The following ERCC6L2 variants were observed in gnomAD, a reference collection of about 807,000 sequenced individuals.
ERCC6L2 encodes the protein ERCC excision repair 6 like 2.
In ERCC6L2, 77 loss-of-function variants were observed where a neutral mutation model predicts 132.0. The ratio of observed to expected loss-of-function variants is 0.58; its 90% CI spans 0.49 to 0.71. ERCC6L2 has a LOEUF of 0.71. ERCC6L2 is among the 30% of genes least tolerant of loss of function. The pLI, the probability that ERCC6L2 is intolerant of heterozygous loss-of-function variation, is 0.00. For synonymous variants in ERCC6L2, 583 were observed against 632.4 expected, an observed-to-expected ratio of 0.92 and a Z score of 1.17; for missense variants, 1,542 against 1,837.6, an observed-to-expected ratio of 0.84 and a Z score of 2.94.
At chr9:95,986,397 T>A (rs1286402005) in intron 17 of ERCC6L2, among the ~76,000 whole-genome samples, 1 of 152,196 alleles carries the variant, frequency 6.6e-6, no homozygotes, top group African/African-American at 2.4e-5. Context: ...AGGTCTTTTG[T>A]TTCATGTTGC....
chr9:95,897,147 A>G (rs1434092678), intron 2 of ERCC6L2, among the ~76,000 whole-genome samples: 2 of 152,188 alleles, frequency 1.3e-5, no homozygotes, highest in Non-Finnish European at 2.9e-5. Flanking sequence ...CTTTAAAACA[A>G]CCTTGCCAAA....
intron 17 of ERCC6L2, among the ~76,000 whole-genome samples, chr9:95,986,602 T>C (rs377135284): frequency 1.3e-5 from 2 of 151,840 alleles, no homozygotes; most frequent in East Asian, 3.9e-4. Flanking sequence ...GTTCAAGTGA[T>C]TCTCCTGCCT....
In ERCC6L2 at chr9:96,009,487, A is replaced by G. The variant is rs541987550; in HGVS notation, c.3675-2738A>G. Among the ~76,000 whole-genome samples, 22 of 152,204 alleles carry G rather than the reference A, an allele frequency of 1.4e-4. No homozygotes were observed. The South Asian group carries it at 1.7e-3, about 11-fold the overall frequency. ...CAGAAGATGAATTTAGGTGTGTTCCACCTCCCTTCCTCCAGAAAGAGAGAG... is the reference window on the plus strand; with the variant it reads ...CAGAAGATGAATTTAGGTGTGTTCCGCCTCCCTTCCTCCAGAAAGAGAGAG... On this transcript the variant is annotated intron_variant, in intron 18 of 18. Transcript: ENST00000653738.
chr9:95,956,164 GA>G, intron 13 of ERCC6L2, 151 bp downstream of exon 13: 1 of 463,356 alleles, frequency 2.2e-6, no homozygotes, highest in Non-Finnish European at 3.7e-6. Context: ...ACACTTTTAT[GA>G]AACAGATTCT....
chr9:95,921,723 AAG>A (rs1336141961), intron 7 of ERCC6L2, among the ~76,000 whole-genome samples: 1 of 152,196 alleles, frequency 6.6e-6, no homozygotes, highest in African/African-American at 2.4e-5. Flanking sequence ...CTGAGTATCA[AAG>A]AAAGTGTTTT....
intron 1 of ERCC6L2, chr9:95,876,300 T>C (rs1354894568): frequency 1.0e-5 from 5 of 491,022 alleles, no homozygotes; most frequent in Non-Finnish European, 1.5e-5. Context: ...GTGCTGCCTC[T>C]GACAGTTACT....
intron 11 of ERCC6L2, among the ~76,000 whole-genome samples, chr9:95,935,577 CAG>C (rs1830518427): frequency 6.6e-6 from 1 of 152,046 alleles, no homozygotes; most frequent in Non-Finnish European, 1.5e-5. Context: ...GGAGGAGGCA[CAG>C]AGGAGAAAGA....
intron 2 of ERCC6L2, among the ~76,000 whole-genome samples, chr9:95,894,024 T>C (rs1317435055): frequency 6.6e-6 from 1 of 152,334 alleles, no homozygotes; most frequent in East Asian, 1.9e-4. Flanking sequence ...GAAAATATTA[T>C]AAGTTGAAAA....
At chr9:95,938,451 A>G (rs1266600376) in intron 11 of ERCC6L2, among the ~76,000 whole-genome samples, 1 of 152,066 alleles carries the variant, frequency 6.6e-6, no homozygotes, top group Admixed American at 6.6e-5. Context: ...GAAATCCTCA[A>G]CTATAATTGT....
chr9:95,979,473 T>C (rs2133113031), intron 17 of ERCC6L2, among the ~76,000 whole-genome samples: 1 of 152,332 alleles, frequency 6.6e-6, no homozygotes, highest in South Asian at 2.1e-4. Context: ...GCAAAGCTTT[T>C]CCTAGCACTC....
chr9:95,942,627 G>C (rs533273861), intron 12 of ERCC6L2, among the ~76,000 whole-genome samples: 3 of 152,152 alleles, frequency 2.0e-5, no homozygotes, highest in African/African-American at 7.2e-5. Context: ...AAAACATAAA[G>C]TCAAGTAGCA....
At chr9:95,934,840 A>G (rs1175144803) in intron 11 of ERCC6L2, among the ~76,000 whole-genome samples, 1 of 152,202 alleles carries the variant, frequency 6.6e-6, no homozygotes, top group Non-Finnish European at 1.5e-5. Flanking sequence ...ATCAGGAGAA[A>G]CATCATTTTC....
At chr9:96,004,839 A>G in intron 18 of ERCC6L2, 138 bp downstream of exon 18, 2 of 510,856 alleles carry the variant, frequency 3.9e-6, no homozygotes, top group Non-Finnish European at 3.2e-6. Context: ...TTTCAAAAAT[A>G]AACTGCAAAT....
intron 18 of ERCC6L2, 143 bp downstream of exon 18, chr9:96,004,844 G>A (rs1252137951): frequency 2.1e-6 from 1 of 486,066 alleles, no homozygotes; most frequent in Non-Finnish European, 3.4e-6. Context: ...AAAATAAACT[G>A]CAAATGTTTT....
At chr9:95,995,674 T>A (rs976103989) in intron 17 of ERCC6L2, among the ~76,000 whole-genome samples, 1 of 152,230 alleles carries the variant, frequency 6.6e-6, no homozygotes, top group African/African-American at 2.4e-5. Context: ...CAATATGTGC[T>A]CACTTTGTGT....
chr9:95,891,640 A>G (rs1407309973), intron 2 of ERCC6L2, among the ~76,000 whole-genome samples: 1 of 151,614 alleles, frequency 6.6e-6, no homozygotes, highest in Non-Finnish European at 1.5e-5. Context: ...CACAATGGCT[A>G]AAACATTTTA....
At chr9:95,898,108 T>C in intron 3 of ERCC6L2, 137 bp downstream of exon 3, 1 of 834,072 alleles carries the variant, frequency 1.2e-6, no homozygotes, top group Non-Finnish European at 1.7e-6. Flanking sequence ...TATTAAAATA[T>C]TTGTTTTATA....
intron 18 of ERCC6L2, among the ~76,000 whole-genome samples, chr9:96,011,233 G>T (rs1353476588): frequency 6.6e-6 from 1 of 152,246 alleles, no homozygotes; most frequent in Non-Finnish European, 1.5e-5. Flanking sequence ...CTGGCTGGCA[G>T]GTGGCCACCA....
intron 14 of ERCC6L2, chr9:95,968,235 C>G (rs140785832): frequency 6.6e-6 from 1 of 152,136 alleles, no homozygotes; most frequent in Non-Finnish European, 1.5e-5. Flanking sequence ...CAGGACCATC[C>G]ATGTCTTACA....
Sources: gnomAD v4.1 joint callset for allele counts (sites outside exome capture counted in the v4.1 genomes callset) on GRCh38, gnomAD v4.1.1 for gene constraint, MANE v1.5 for transcripts, NCBI Gene and HGNC (gene_info 2026-07-23, HGNC 2026-07-21) for gene names.